The following ADSS1 variants were observed in gnomAD, a reference collection of about 807,000 sequenced individuals.
ADSS1 encodes the protein adenylosuccinate synthetase isozyme 1.
A neutral mutation model predicts 59.1 loss-of-function variants in ADSS1; 57 were observed. The observed-to-expected ratio is 0.97, with a 90% CI of 0.78 to 1.20. The LOEUF (loss-of-function observed/expected upper bound fraction) is 1.20, where lower values mean the gene tolerates loss of function less well. Among genes scored for constraint, ADSS1 ranks in the 50% most tolerant of loss-of-function variants. The probability of loss-of-function intolerance (pLI) is 0.00; values close to 1 mark genes in which losing one functional copy is unlikely to be tolerated. For missense variants in ADSS1, 603 were observed against 610.3 expected (o/e 0.99, Z 0.13); for synonymous variants, 247 against 249.4 (o/e 0.99, Z 0.09).
In ADSS1 at chr14:104,734,802, G is replaced by A. The variant is rs117081890; in HGVS notation, c.193-218G>A. On this transcript the variant is annotated intron_variant, in intron 1 of 12. Transcript: ENST00000330877. Reference sequence around the variant, plus strand: ...CACCAGCCTGGGCCAGACCCTCCCCGACCCAGGCCCCTGACCAAACTGCTG... The same window carrying A: ...CACCAGCCTGGGCCAGACCCTCCCCAACCCAGGCCCCTGACCAAACTGCTG... 2.2e-3 allele frequency among the ~76,000 whole-genome samples: 340 copies of A among 152,266 alleles called. 3 individuals carry two copies. The South Asian group carries it at 0.028, about 12-fold the overall frequency.
chr14:104,730,980 T>G (rs1158672398), intron 1 of ADSS1, among the ~76,000 whole-genome samples: 14 of 71,940 alleles, frequency 1.9e-4, no homozygotes, highest in Non-Finnish European at 2.2e-4. Context: ...GGGGGCTCAG[T>G]GTCCGTGGGG....
In ADSS1 at chr14:104,729,861, G is replaced by A. The variant is rs1890848520; in HGVS notation, c.193-5159G>A. ...TCGGCGTCGTGGGGAGGAGCGTGGC[G>A]TCGGCGTCGTGGGGAGGAGCGTGGC... On this transcript the variant is annotated intron_variant, in intron 1 of 12. Transcript: ENST00000330877. 7.1e-6 allele frequency: 10 copies of A among 1,414,382 alleles called. No individual in the cohort carries two copies. In the South Asian group the frequency reaches 8.8e-5, roughly 12 times the overall value. 87.6% of individuals were successfully genotyped at this position (1,414,382 alleles called of 1,614,324 possible).
rs746480470 is a variant in ADSS1 at position 104,743,081 on chromosome 14, G to A, written c.963G>A (p.Leu321=). 4.3e-6 allele frequency: 7 copies of A among 1,613,092 alleles called. No homozygotes were observed. The South Asian group carries it at 6.6e-5, about 15-fold the overall frequency. Residue 321 remains leucine (L), a synonymous_variant, in exon 10 of 13, where the codon CTG becomes CTA. Coordinates refer to ENST00000330877, the MANE Select transcript of ADSS1 (RefSeq NM_152328.5). ...PTEQINEIGG[L]LQTRGHEWGV... ...TTCTCATGTAGGAGATTGGAGGCCT[G>A]CTGCAGACCCGCGGCCACGAGTGGG...
chr14:104,731,358 G>A (rs1890925875), intron 1 of ADSS1, among the ~76,000 whole-genome samples: 1 of 152,200 alleles, frequency 6.6e-6, no homozygotes. Context: ...CCCTAGAGTT[G>A]TGCAGTGTGC....
chr14:104,741,020 T>C lies in ADSS1; in HGVS notation c.667-97T>C. The C allele has an allele frequency of 1.9e-6, 3 of 1,602,210 alleles. No homozygotes were observed. The South Asian group carries it at 3.3e-5, about 18-fold the overall frequency. ...TTGAACACCCTTGGGGCACACCTGA[T>C]ACTAGGCATTGTTATGGGCTGGCCA... is the stretch of plus-strand genomic sequence containing the variant. On this transcript the variant is annotated intron_variant, in intron 7 of 12. Transcript: ENST00000330877.
At chr14:104,727,929 C>T (rs527913793) in intron 1 of ADSS1, among the ~76,000 whole-genome samples, 143 of 152,346 alleles carry the variant, frequency 9.4e-4, no homozygotes, top group Admixed American at 3.3e-3. Flanking sequence ...GCCCAGTACA[C>T]GGGCTGAAGG....
chr14:104,739,187 A>G (rs1001553497), intron 3 of ADSS1, 141 bp from the exon 4 acceptor site: 5 of 813,540 alleles, frequency 6.1e-6, no homozygotes, highest in Non-Finnish European at 9.8e-6. Context: ...CTTGCTGCGC[A>G]ACAGAGGTGG....
intron 1 of ADSS1, among the ~76,000 whole-genome samples, chr14:104,733,116 G>A (rs1337571607): frequency 6.6e-6 from 1 of 151,946 alleles, no homozygotes; most frequent in African/African-American, 2.4e-5. Context: ...GGCAGCATTA[G>A]CTCCCACAAG....
chr14:104,747,168 T>C lies in ADSS1; in HGVS notation c.*165T>C, dbSNP rs1483580237. The C allele has an allele frequency of 1.7e-5, 10 of 592,478 alleles. No homozygotes were observed. Among genetic ancestry groups the C allele is most frequent in the South Asian group, 1.6e-4 (5 of 30,816 alleles). The allele number at this position is 592,478 out of a possible 1,614,324, so 36.7% of individuals were successfully genotyped here. On this transcript the variant is annotated 3_prime_UTR_variant, in exon 13 of 13. Coordinates refer to ENST00000330877, the MANE Select transcript of ADSS1 (RefSeq NM_152328.5). ...TTGGTTTCTACAATGATTTTAAACA[T>C]TGGAAAGCCAGCCTTGTGTATATTT...
chr14:104,729,235 G>C (rs1019215714), intron 1 of ADSS1, among the ~76,000 whole-genome samples: 17 of 152,302 alleles, frequency 1.1e-4, no homozygotes. Context: ...AGTGGAGGGG[G>C]CCCTGGCAGG....
chr14:104,740,677 C>T lies in ADSS1; in HGVS notation c.553C>T (p.Leu185Phe). 6.2e-7 allele frequency: 1 copy of T among 1,614,042 alleles called. No individual in the cohort carries two copies. Residue 185 changes from leucine to phenylalanine, a missense_variant, in exon 6 of 13, where the codon CTC (leucine) becomes TTC (phenylalanine). Leu to Phe is a conservative substitution (Grantham distance 22). Transcript: ENST00000330877. This position sits in a 1 kb window ranked among gnomAD's most constrained non-coding sequence, Gnocchi z 4.8. ...AARTGLRICD[L>F]LSDFDEFSSR... ...CCGGACAGGCCTCCGCATCTGCGAC[C>T]TCCTGTCAGATTTTGATGAGTTTTC... is the stretch of plus-strand genomic sequence containing the variant.
chr14:104,735,005 G>A lies in ADSS1; in HGVS notation c.193-15G>A, dbSNP rs367904065. The stretch of plus-strand genomic sequence containing the variant: ...GTACCCAAGTGCCTTCAGCTCAGCC[G>A]GGTTTCTGTTCCAGGGGGGCAACAA... On this transcript the variant is annotated splice_polypyrimidine_tract_variant and intron_variant, in intron 1 of 12. Coordinates refer to ENST00000330877, the MANE Select transcript of ADSS1 (RefSeq NM_152328.5). 1.2e-5 allele frequency: 19 copies of A among 1,610,158 alleles called. No individual in the cohort carries two copies. Among genetic ancestry groups the A allele is most frequent in the Middle Eastern group, 1.6e-4 (1 of 6,078 alleles).
At position 104,739,381 on chromosome 14, in the gene ADSS1, A is replaced by G. The variant is rs1891247054; in HGVS notation, c.409+3A>G. On this transcript the variant is annotated splice_donor_region_variant and intron_variant, in intron 4 of 12. Transcript: ENST00000330877. The stretch of plus-strand genomic sequence containing the variant: ...CATCTCTGACAGAGCCCACCTTGGT[A>G]CGTTTCCCACTGGAGTACAGGGAAC... 1.2e-6 allele frequency: 2 copies of G among 1,603,680 alleles called. No homozygotes were observed. Among genetic ancestry groups the G allele is most frequent in the African/African-American group, 1.3e-5 (1 of 74,772 alleles).
rs111588752 is a variant in ADSS1, at chr14:104,741,846, A to G, written c.794-2A>G. 1.9e-5 allele frequency: 30 copies of G among 1,613,042 alleles called. No homozygotes were observed. Among genetic ancestry groups the G allele is most frequent in the Non-Finnish European group, 2.4e-5 (28 of 1,179,910 alleles). ...GCCCCCTAAACCTGCTCTGTCTTGC[A>G]GGGACCTACCCCTTTGTGACTTCAT... is the stretch of plus-strand genomic sequence containing the variant. On this transcript the variant is annotated splice_acceptor_variant, in intron 8 of 12. Transcript: ENST00000330877. LOFTEE classifies it high-confidence loss of function.
At chr14:104,725,797 C>T (rs1890703185) in intron 1 of ADSS1, among the ~76,000 whole-genome samples, 1 of 152,184 alleles carries the variant, frequency 6.6e-6, no homozygotes, top group South Asian at 2.1e-4. Flanking sequence ...CGGCCCCTGA[C>T]CCTCCTTAGA....
Position 104,747,131 on chromosome 14 carries a change from C to A in ADSS1, c.*128C>A. ...AACCATTTTCTGTACTTTTATATTT[C>A]TGTTCAACCTGTTGGTTTCTACAAT... On this transcript the variant is annotated 3_prime_UTR_variant, in exon 13 of 13. Transcript: ENST00000330877. 1 of 759,456 alleles carries A rather than the reference C, an allele frequency of 1.3e-6. No homozygotes were observed. Among genetic ancestry groups the A allele is most frequent in the Non-Finnish European group, 2.0e-6 (1 of 492,388 alleles). 47.0% of individuals were successfully genotyped at this position (759,456 alleles called of 1,614,324 possible).
chr14:104,735,316 G>A (rs200594013), intron 2 of ADSS1, among the ~76,000 whole-genome samples, 194 bp downstream of exon 2: 25 of 152,224 alleles, frequency 1.6e-4, no homozygotes, highest in African/African-American at 5.8e-4. Flanking sequence ...GGCTGGGAAC[G>A]CAGCTGAGAG....
chr14:104,741,144 G>A lies in ADSS1; in HGVS notation c.694G>A (p.Val232Ile), dbSNP rs1000203662. Residue 232 changes from valine to isoleucine, a missense_variant, in exon 8 of 13, where the codon GTC becomes ATC. Val to Ile is a conservative substitution (Grantham distance 29). Coordinates refer to ENST00000330877, the MANE Select transcript of ADSS1 (RefSeq NM_152328.5). ...KGFAERIRPM[V>I]RDGVYFMYEA... ...CTTTGCTGAGCGGATCAGACCCATG[G>A]TCCGAGATGGTGTTTACTTTATGTA... 1 of 1,610,198 alleles carries A rather than the reference G, an allele frequency of 6.2e-7. No homozygotes were observed. The highest frequency in any genetic ancestry group is 1.1e-5 in the South Asian group (1 of 90,726).
Position 104,743,151 on chromosome 14 carries a change from A to T in ADSS1, c.1033A>T (p.Met345Leu), listed in dbSNP as rs749010913. The T allele has an allele frequency of 6.2e-7, 1 of 1,612,504 alleles. No homozygotes were observed. Among genetic ancestry groups the T allele is most frequent in the Non-Finnish European group, 8.5e-7 (1 of 1,180,010 alleles). The change falls in exon 10 of 13, where the codon ATG becomes TTG. Residue 345 changes from methionine (M) to leucine (L), a missense_variant. Coordinates refer to ENST00000330877, the MANE Select transcript of ADSS1 (RefSeq NM_152328.5). ...GAGGCGCTGCGGCTGGCTCGACCTGATGATTCTAAGATATGCTCACATGGT... is the reference window on the plus strand; with the variant it reads ...GAGGCGCTGCGGCTGGCTCGACCTGTTGATTCTAAGATATGCTCACATGGT... ...RKRRCGWLDL[M>L]ILRYAHMVNG... is the part of the protein sequence containing the mutation.
Sources: gnomAD v4.1 joint callset for allele counts (sites outside exome capture counted in the v4.1 genomes callset) on GRCh38, gnomAD v4.1.1 for gene constraint, Gnocchi (gnomAD v3.1) non-coding constraint, MANE v1.5 for transcripts, NCBI Gene and HGNC (gene_info 2026-07-23, HGNC 2026-07-21) for gene names.